The following TSPAN5 variants were observed in gnomAD, a reference collection of about 807,000 sequenced individuals.
TSPAN5 encodes the protein tetraspanin 5, also known as tetraspanin-5.
Under a neutral mutation model 37.1 loss-of-function variants are expected in TSPAN5, and 10 were observed. The ratio of observed to expected loss-of-function variants is 0.27; its 90% CI spans 0.17 to 0.46. The LOEUF is 0.46. Among genes scored for constraint, TSPAN5 ranks in the 20% least tolerant of loss-of-function variants. The pLI is 1.00. For synonymous variants in TSPAN5, 110 were observed against 118.9 expected (o/e 0.93, Z 0.48); for missense variants, 195 against 326.6 (o/e 0.60, Z 3.11).
At chr4:98,551,748 C>T (rs1454235013) in intron 1 of TSPAN5, among the ~76,000 whole-genome samples, 3 of 151,836 alleles carry the variant, frequency 2.0e-5, no homozygotes, top group Admixed American at 6.6e-5. Flanking sequence ...GATCCACACA[C>T]CACGGCCTCC....
intron 4 of TSPAN5, among the ~76,000 whole-genome samples, chr4:98,480,097 C>T (rs1322971269): frequency 1.3e-5 from 2 of 152,168 alleles, no homozygotes; most frequent in Admixed American, 6.5e-5. Flanking sequence ...TATTATTTCT[C>T]GACCTGCCGA....
In TSPAN5 at chr4:98,557,647, G is replaced by A. The variant is rs546157624; in HGVS notation, c.82-49919C>T. On this transcript the variant is annotated intron_variant, in intron 1 of 7. Coordinates refer to ENST00000305798, the MANE Select transcript of TSPAN5 (RefSeq NM_005723.4). ...CCCATTCCTTATGCAAGGGCTGTAC[G>A]TAGTGGCCTCCTTCCAAAGGAGGTG... Among the ~76,000 whole-genome samples, 6 of 152,318 alleles carry A rather than the reference G, an allele frequency of 3.9e-5. No homozygotes were observed. The East Asian group carries it at 5.8e-4, about 15-fold the overall frequency.
intron 1 of TSPAN5, among the ~76,000 whole-genome samples, chr4:98,613,935 T>G (rs1310199157): frequency 2.0e-5 from 3 of 152,086 alleles, no homozygotes; most frequent in African/African-American, 7.2e-5. Context: ...CACAACCAAT[T>G]ATCACTTCCA....
At chr4:98,489,455 G>A (rs939452394) in intron 2 of TSPAN5, among the ~76,000 whole-genome samples, 1 of 152,216 alleles carries the variant, frequency 6.6e-6, no homozygotes, top group African/African-American at 2.4e-5. Context: ...CAAGCAGGGA[G>A]TGGGCAACCC....
intron 2 of TSPAN5, among the ~76,000 whole-genome samples, chr4:98,487,406 C>A (rs1238073103): frequency 2.0e-5 from 3 of 152,152 alleles, no homozygotes; most frequent in Non-Finnish European, 2.9e-5. Flanking sequence ...CACCCCCTGA[C>A]CCCCAGAGAG....
intron 3 of TSPAN5, chr4:98,482,697 T>C (rs1752872395): frequency 6.6e-6 from 1 of 152,366 alleles, no homozygotes; most frequent in South Asian, 2.1e-4. Context: ...AAATAACAGA[T>C]GTGTTCATCT....
chr4:98,472,590 G>C lies in TSPAN5; in HGVS notation c.742-3C>G, dbSNP rs747084383. 6.2e-7 allele frequency: 1 copy of C among 1,612,796 alleles called. No homozygotes were observed. Among genetic ancestry groups the C allele is most frequent in the Non-Finnish European group, 8.5e-7 (1 of 1,179,390 alleles). On this transcript the variant is annotated splice_polypyrimidine_tract_variant and splice_region_variant and intron_variant, in intron 7 of 7. Transcript: ENST00000305798. ...TGGGCCAGGCATATCCCAAATATCTGAGAAAGGAAGAAAATGTGAGTGAAA... is the reference window on the plus strand; with the variant it reads ...TGGGCCAGGCATATCCCAAATATCTCAGAAAGGAAGAAAATGTGAGTGAAA...
rs930032621 is a variant in TSPAN5, at chr4:98,587,760, G to A, written c.81+70386C>T. Among the ~76,000 whole-genome samples, 36 of 152,092 alleles carry A rather than the reference G, an allele frequency of 2.4e-4. 1 individual carries two copies. The highest frequency in any genetic ancestry group is 8.7e-4 in the African/African-American group (36 of 41,420). On this transcript the variant is annotated intron_variant, in intron 1 of 7. Transcript: ENST00000305798. ...AAAAATTAGCTGGGCATGGTGGTGC[G>A]TGCCTGTAGTCCCAGCTTCTCAGGA...
At position 98,646,007 on chromosome 4, in the gene TSPAN5, G is replaced by A. The variant is rs373799902; in HGVS notation, c.81+12139C>T. ...TGACAGGCACCTACTAATTTAGCACGCCCTGGCCTTCCTCTCAGAGCTGAG... is the reference window on the plus strand; with the variant it reads ...TGACAGGCACCTACTAATTTAGCACACCCTGGCCTTCCTCTCAGAGCTGAG... On this transcript the variant is annotated intron_variant, in intron 1 of 7. Transcript: ENST00000305798. Among the ~76,000 whole-genome samples the A allele has an allele frequency of 5.9e-5, 9 of 152,100 alleles. No homozygotes were observed. In the East Asian group the frequency reaches 1.2e-3, roughly 20 times the overall value.
chr4:98,477,873 T>A (rs765686587), intron 5 of TSPAN5, among the ~76,000 whole-genome samples: 52 of 151,852 alleles, frequency 3.4e-4, no homozygotes, highest in Admixed American at 5.2e-4. Flanking sequence ...TTGCTCAGGC[T>A]GGTCTTTAAC....
intron 4 of TSPAN5, among the ~76,000 whole-genome samples, chr4:98,481,310 G>T (rs935582657): frequency 3.3e-5 from 5 of 152,116 alleles, no homozygotes; most frequent in African/African-American, 4.8e-5. Flanking sequence ...CACTAGACCT[G>T]TGTCTTTTGG....
At chr4:98,496,027 C>A (rs1420513298) in intron 2 of TSPAN5, among the ~76,000 whole-genome samples, 4 of 152,098 alleles carry the variant, frequency 2.6e-5, no homozygotes, top group South Asian at 2.1e-4. Flanking sequence ...GATTCACCAA[C>A]CCCTCCATAA....
chr4:98,604,428 C>T (rs1755956865), intron 1 of TSPAN5, among the ~76,000 whole-genome samples: 1 of 152,206 alleles, frequency 6.6e-6, no homozygotes, highest in Non-Finnish European at 1.5e-5. Context: ...GCCACTGCAT[C>T]CTTGACACGG....
At chr4:98,573,378 A>G in intron 1 of TSPAN5, among the ~76,000 whole-genome samples, 1 of 152,242 alleles carries the variant, frequency 6.6e-6, no homozygotes, top group Non-Finnish European at 1.5e-5. Context: ...TGCATTTAAA[A>G]ATGCAAACTC....
At chr4:98,557,430 A>G (rs1489767996) in intron 1 of TSPAN5, among the ~76,000 whole-genome samples, 1 of 152,212 alleles carries the variant, frequency 6.6e-6, no homozygotes, top group Non-Finnish European at 1.5e-5. Flanking sequence ...GCAATTTGGG[A>G]AGCTGTTTTT....
chr4:98,630,590 C>T (rs959477915), intron 1 of TSPAN5, among the ~76,000 whole-genome samples: 25 of 152,186 alleles, frequency 1.6e-4, no homozygotes, highest in African/African-American at 6.0e-4. Flanking sequence ...ACCCGGGAGA[C>T]TGTGCACATA....
chr4:98,572,527 C>CATAAACACTATAAAGCCTATAAACACT (rs1444146748), intron 1 of TSPAN5, among the ~76,000 whole-genome samples: 1 of 152,226 alleles, frequency 6.6e-6, no homozygotes, highest in Non-Finnish European at 1.5e-5. Context: ...AAAGTAAGAT[C>CATAAACACTATAAAGCCTATAAACACT]ATAAACACTA....
intron 1 of TSPAN5, among the ~76,000 whole-genome samples, chr4:98,509,278 C>T (rs1239326388): frequency 6.6e-6 from 1 of 152,110 alleles, no homozygotes; most frequent in Non-Finnish European, 1.5e-5. Flanking sequence ...TTTTACAGTT[C>T]CAGGGAAATC....
rs181584071 is a variant in TSPAN5 at position 98,543,946 on chromosome 4, G to A, written c.82-36218C>T. On this transcript the variant is annotated intron_variant, in intron 1 of 7. Transcript: ENST00000305798. ...AATCCCAAATACTTTGGGAGGCCGA[G>A]GCAGGAGGATTGTCTGGGGCCAGGA... Among the ~76,000 whole-genome samples the A allele has an allele frequency of 1.6e-4, 24 of 152,200 alleles. 1 individual carries two copies. The East Asian group carries it at 4.7e-3, about 29-fold the overall frequency.
Sources: gnomAD v4.1 joint callset for allele counts (sites outside exome capture counted in the v4.1 genomes callset) on GRCh38, gnomAD v4.1.1 for gene constraint, MANE v1.5 for transcripts, NCBI Gene and HGNC (gene_info 2026-07-23, HGNC 2026-07-21) for gene names.